RGL1: variants seen among roughly 807,000 people sequenced by gnomAD.
The protein encoded by RGL1 is ral guanine nucleotide dissociation stimulator-like 1.
In RGL1, 24 loss-of-function variants were observed where a neutral mutation model predicts 95.2. The observed-to-expected ratio is 0.25, with a 90% CI of 0.18 to 0.35. The LOEUF (loss-of-function observed/expected upper bound fraction) is 0.35, where lower values mean the gene tolerates loss of function less well. Ranked by LOEUF, RGL1 falls within the 10% of genes least tolerant of loss-of-function variation. The pLI is 1.00. For missense variants in RGL1, 715 were observed against 936.3 expected, an observed-to-expected ratio of 0.76 and a Z score of 3.08; for synonymous variants, 329 against 344.9, an observed-to-expected ratio of 0.95 and a Z score of 0.51.
chr1:183,882,723 C>T (rs1666893872), intron 5 of RGL1, among the ~76,000 whole-genome samples: 1 of 152,120 alleles, frequency 6.6e-6, no homozygotes, highest in Admixed American at 6.5e-5. Context: ...ACATGCTGCC[C>T]TAAAGGGGAA....
At chr1:183,913,946 G>GGACT (rs895332836) in intron 15 of RGL1, among the ~76,000 whole-genome samples, 11 of 152,244 alleles carry the variant, frequency 7.2e-5, no homozygotes, top group Non-Finnish European at 1.3e-4. Flanking sequence ...GGACACCTAC[G>GGACT]GACTGGCCAT....
rs1668979964 is a variant in RGL1, at chr1:183,916,495, A to G, written c.1798A>G (p.Asn600Asp). 3.1e-6 allele frequency: 5 copies of G among 1,612,952 alleles called. No homozygotes were observed. Among genetic ancestry groups the G allele is most frequent in the Admixed American group, 1.7e-5 (1 of 59,808 alleles). Residue 600 changes from asparagine to aspartate, a missense_variant, in exon 16 of 18, where the codon AAT becomes GAT. This residue lies in a region of RGL1 where 330 missense variants were observed against 429.6 expected (regional missense o/e 0.77). Transcript: ENST00000360851. Reference protein sequence around the residue: ...SCSSIHSMDTNSSGMSSLINP... With the variant: ...SCSSIHSMDTDSSGMSSLINP... ...TTCTTCTATCCATTCCATGGACACA[A>G]ATTCCTCAGGGATGTCTTCCTTAAT... is the stretch of plus-strand genomic sequence containing the variant.
upstream of RGL1, among the ~76,000 whole-genome samples, chr1:183,801,502 G>A (rs1162116170): frequency 1.3e-5 from 2 of 152,000 alleles, no homozygotes; most frequent in Non-Finnish European, 2.9e-5. Flanking sequence ...TTAGTTTGAT[G>A]TACTTTCACT....
chr1:183,768,478 T>TG (rs1659104163), intron 2 of RGL1, among the ~76,000 whole-genome samples: 1 of 146,262 alleles, frequency 6.8e-6, no homozygotes. Flanking sequence ...TTTTTTTTTT[T>TG]TTTTTTGGAG....
In RGL1 at chr1:183,899,989, TC is replaced by T. The variant is rs542121835; in HGVS notation, c.1231-159del. Among the ~76,000 whole-genome samples the T allele has an allele frequency of 5.9e-5, 9 of 152,350 alleles. No homozygotes were observed. The South Asian group carries it at 1.9e-3, about 32-fold the overall frequency. On this transcript the variant is annotated intron_variant, in intron 10 of 17. Coordinates refer to ENST00000360851, the MANE Select transcript of RGL1 (RefSeq NM_001297671.3). ...TAGATATTAGATCATGGAGTTTCTA[TC>T]CTATTTGTGTAGAAATTTAAAAAAT...
chr1:183,848,338 T>G (rs529731332), intron 3 of RGL1, among the ~76,000 whole-genome samples: 1 of 152,338 alleles, frequency 6.6e-6, no homozygotes, highest in African/African-American at 2.4e-5. Flanking sequence ...ACATTGATAT[T>G]TACACACTGT....
rs1001621452 is a variant in RGL1, at chr1:183,884,010, G to T, written c.735+100G>T. 8.5e-6 allele frequency: 11 copies of T among 1,292,614 alleles called. No homozygotes were observed. In the East Asian group the frequency reaches 2.3e-4, roughly 27 times the overall value. The allele number at this position is 1,292,614 out of a possible 1,614,324, so 80.1% of individuals were successfully genotyped here. ...CAGCAGTGGGATAATGTGATTTTAA[G>T]TCTTCTTGAATCCTTGAGACAGGCT... is the stretch of plus-strand genomic sequence containing the variant. On this transcript the variant is annotated intron_variant, in intron 6 of 17. Transcript: ENST00000360851.
chr1:183,648,334 G>C lies in RGL1; in HGVS notation c.-33+11833G>C, dbSNP rs189818313. 4 of 1,614,178 alleles carry C rather than the reference G, an allele frequency of 2.5e-6. No homozygotes were observed. In the East Asian group the frequency reaches 8.9e-5, roughly 36 times the overall value. ...TAGAGCTGAGAAAAATAAATACTAA[G>C]AGTGATGCCTGGATACGTAATCAGG... On this transcript the variant is annotated intron_variant, in intron 1 of 18. Coordinates refer to the RGL1 transcript ENST00000304685.
chr1:183,814,603 T>C (rs1284227051), intron 2 of RGL1, among the ~76,000 whole-genome samples: 1 of 152,202 alleles, frequency 6.6e-6, no homozygotes, highest in Non-Finnish European at 1.5e-5. Context: ...TCAACTTTTT[T>C]CCCTTGTTTC....
At position 183,666,239 on chromosome 1, in the gene RGL1, C is replaced by T. The variant is rs188388020; in HGVS notation, c.-33+29738C>T. ...AGGCTGGTCTCGAACTCCCGACCTCCGGTGATCCACCCGCCTCGGCCTCCG... is the reference window on the plus strand; with the variant it reads ...AGGCTGGTCTCGAACTCCCGACCTCTGGTGATCCACCCGCCTCGGCCTCCG... On this transcript the variant is annotated intron_variant, in intron 1 of 18. Coordinates refer to the RGL1 transcript ENST00000304685. Among the ~76,000 whole-genome samples the T allele has an allele frequency of 4.3e-3, 659 of 151,850 alleles. 5 individuals carry two copies. Among genetic ancestry groups the T allele is most frequent in the African/African-American group, 0.015 (625 of 41,462 alleles).
At chr1:183,745,278 T>C (rs1373033318) in intron 2 of RGL1, among the ~76,000 whole-genome samples, 1 of 152,210 alleles carries the variant, frequency 6.6e-6, no homozygotes, top group African/African-American at 2.4e-5. Flanking sequence ...TCCTTTTTAT[T>C]GATTTCATGC....
rs765931379 is a variant in RGL1 at position 183,714,621 on chromosome 1, C to T, written c.-32-27505C>T. On this transcript the variant is annotated intron_variant, in intron 1 of 18. Coordinates refer to the RGL1 transcript ENST00000304685. Reference sequence around the variant, plus strand: ...AGCCCTGTGGAGCACAGACTAAGGACGTATAAGAACTGGAGTTAAGACTTA... The same window carrying T: ...AGCCCTGTGGAGCACAGACTAAGGATGTATAAGAACTGGAGTTAAGACTTA... Among the ~76,000 whole-genome samples, 23 of 152,170 alleles carry T rather than the reference C, an allele frequency of 1.5e-4. 1 individual carries two copies. The highest frequency in any genetic ancestry group is 1.0e-3 in the Admixed American group (16 of 15,274).
chr1:183,822,614 C>T (rs377040626), intron 2 of RGL1, among the ~76,000 whole-genome samples: 6 of 152,134 alleles, frequency 3.9e-5, no homozygotes, highest in Non-Finnish European at 8.8e-5. Context: ...ACGAAAAGTA[C>T]TATGACTCCA....
intron 1 of RGL1, chr1:183,647,608 G>A: frequency 6.7e-7 from 1 of 1,501,898 alleles, no homozygotes; most frequent in South Asian, 1.4e-5. Context: ...GAGAGAGAAA[G>A]TTTCCAGATT....
intron 1 of RGL1, among the ~76,000 whole-genome samples, chr1:183,681,417 C>T (rs996601286): frequency 2.6e-5 from 4 of 152,192 alleles, no homozygotes; most frequent in African/African-American, 9.7e-5. Context: ...GCCTTTTCTG[C>T]ATCTATTGAG....
At chr1:183,760,850 C>A (rs893077523) in intron 2 of RGL1, among the ~76,000 whole-genome samples, 1 of 152,232 alleles carries the variant, frequency 6.6e-6, no homozygotes, top group African/African-American at 2.4e-5. Context: ...TGTCATTTCA[C>A]CACATTCGCA....
intron 16 of RGL1, among the ~76,000 whole-genome samples, chr1:183,921,003 C>T (rs1028678330): frequency 6.6e-6 from 1 of 152,186 alleles, no homozygotes; most frequent in Admixed American, 6.5e-5. Flanking sequence ...CTATAGTCCT[C>T]TTGCCCCCTG....
intron 2 of RGL1, among the ~76,000 whole-genome samples, chr1:183,795,680 A>G (rs1045738387): frequency 6.6e-6 from 1 of 152,224 alleles, no homozygotes; most frequent in African/African-American, 2.4e-5. Flanking sequence ...AGCAATGAGG[A>G]GCCACTGGAG....
rs1475208075 is a variant in RGL1, at chr1:183,808,447, C to G, written c.138+1962C>G. Among the ~76,000 whole-genome samples, 3 of 152,192 alleles carry G rather than the reference C, an allele frequency of 2.0e-5. No individual in the cohort carries two copies. The East Asian group carries it at 5.8e-4, about 29-fold the overall frequency. On this transcript the variant is annotated intron_variant, in intron 2 of 17. Transcript: ENST00000360851. ...CCAGCCTACTCCTTTATTGCAAGTT[C>G]CTAGGGGCTCTCCAGCTCTAATCTA...
Sources: allele counts gnomAD v4.1 joint callset (sites outside exome capture counted in the v4.1 genomes callset), GRCh38; gene constraint gnomAD v4.1.1; regional missense constraint gnomAD v4.1.1; transcripts MANE v1.5; gene names NCBI Gene and HGNC (gene_info 2026-07-23, HGNC 2026-07-21).